Variants in ANKFN1 observed in about 807,000 individuals in gnomAD.
ANKFN1 encodes the protein ankyrin repeat and fibronectin type III domain containing 1.
Under a neutral mutation model 108.7 loss-of-function variants are expected in ANKFN1, and 74 were observed. The ratio of observed to expected loss-of-function variants is 0.68; its 90% CI spans 0.56 to 0.83. ANKFN1 has a LOEUF of 0.83. ANKFN1 is among the 40% of genes least tolerant of loss of function. The pLI is 0.00. For synonymous variants in ANKFN1, 547 were observed against 516.2 expected (o/e 1.06, Z -0.81); for missense variants, 1,505 against 1,382.3 (o/e 1.09, Z -1.41).
intron 1 of ANKFN1, among the ~76,000 whole-genome samples, chr17:56,180,424 C>T (rs1911585176): frequency 6.6e-6 from 1 of 152,190 alleles, no homozygotes. Flanking sequence ...CCCTAAGATT[C>T]AGGCTAGAAG....
chr17:56,103,806 G>A (rs544415008), intron 4 of ANKFN1, among the ~76,000 whole-genome samples: 20 of 152,206 alleles, frequency 1.3e-4, no homozygotes, highest in Non-Finnish European at 2.5e-4. Flanking sequence ...GAGTTGCAGG[G>A]CCCATCCAGG....
chr17:56,380,954 T>TG (rs2047083850), intron 8 of ANKFN1, among the ~76,000 whole-genome samples: 1 of 152,204 alleles, frequency 6.6e-6, no homozygotes, highest in Non-Finnish European at 1.5e-5. Flanking sequence ...AGCATGCAGC[T>TG]GGAGATCTGA....
At chr17:56,100,812 T>G (rs1314742498) in intron 4 of ANKFN1, among the ~76,000 whole-genome samples, 3 of 152,326 alleles carry the variant, frequency 2.0e-5, no homozygotes, top group South Asian at 4.1e-4. Context: ...AGTGAATTTG[T>G]CCTTTGGGGT....
chr17:56,349,689 A>G (rs948134406), intron 4 of ANKFN1, among the ~76,000 whole-genome samples: 4 of 152,170 alleles, frequency 2.6e-5, no homozygotes, highest in Non-Finnish European at 5.9e-5. Flanking sequence ...AATCCCAACT[A>G]CACTGATTTG....
At chr17:56,319,578 G>A (rs1389226317) in intron 3 of ANKFN1, among the ~76,000 whole-genome samples, 1 of 152,088 alleles carries the variant, frequency 6.6e-6, no homozygotes, top group Non-Finnish European at 1.5e-5. Context: ...CTATACAAAG[G>A]CATGATTGAG....
intron 3 of ANKFN1, among the ~76,000 whole-genome samples, chr17:56,300,412 C>A (rs1681410257): frequency 2.0e-5 from 3 of 152,064 alleles, no homozygotes; most frequent in Non-Finnish European, 4.4e-5. Context: ...TCCTTCTTTC[C>A]CCCCTTAATT....
chr17:56,123,287 G>A (rs1376345194), intron 4 of ANKFN1, among the ~76,000 whole-genome samples: 7 of 152,192 alleles, frequency 4.6e-5, no homozygotes, highest in South Asian at 4.1e-4. Flanking sequence ...TTCCATCAGC[G>A]AACTCTGAGA....
In ANKFN1 at chr17:56,132,882, C is replaced by T. The variant is rs964388049; in HGVS notation, c.288+86557C>T. Among the ~76,000 whole-genome samples, 3 of 152,220 alleles carry T rather than the reference C, an allele frequency of 2.0e-5. No individual in the cohort carries two copies. The East Asian group carries it at 5.8e-4, about 29-fold the overall frequency. On this transcript the variant is annotated intron_variant, in intron 4 of 12. Coordinates refer to the ANKFN1 transcript ENST00000635860. ...TAATCATCTCCCAAAGACTCCACCT[C>T]CTAATACCATCACCTTGGTAATTAG... is the stretch of plus-strand genomic sequence containing the variant.
chr17:56,372,950 C>A, intron 7 of ANKFN1, 110 bp downstream of exon 7: 2 of 1,089,494 alleles, frequency 1.8e-6, no homozygotes, highest in Non-Finnish European at 2.6e-6. Flanking sequence ...TCATGGATGG[C>A]CGTTGTCAGC....
chr17:56,223,786 C>T (rs145986005), intron 2 of ANKFN1, among the ~76,000 whole-genome samples: 10 of 152,188 alleles, frequency 6.6e-5, no homozygotes, highest in South Asian at 2.1e-4. Context: ...TGGATGGTAC[C>T]GTTCTTTGTA....
intron 8 of ANKFN1, among the ~76,000 whole-genome samples, chr17:56,425,005 T>G (rs1474383462): frequency 1.3e-5 from 2 of 152,134 alleles, no homozygotes; most frequent in Middle Eastern, 3.4e-3. Context: ...CTGTTTGCAA[T>G]TGAACTTTGA....
intron 8 of ANKFN1, among the ~76,000 whole-genome samples, chr17:56,398,189 G>A (rs185766524): frequency 8.6e-5 from 13 of 151,998 alleles, no homozygotes; most frequent in South Asian, 4.2e-4. Flanking sequence ...TTAATTCACC[G>A]TTACAAACCC....
chr17:56,048,415 A>G (rs1230917218), intron 4 of ANKFN1, among the ~76,000 whole-genome samples: 1 of 152,182 alleles, frequency 6.6e-6, no homozygotes, highest in South Asian at 2.1e-4. Context: ...CTATTTTCCA[A>G]AATCATCAAT....
intron 3 of ANKFN1, among the ~76,000 whole-genome samples, chr17:56,310,748 T>TTGTGTGTGTGTGTGTGTG (rs71137198): frequency 1.3e-5 from 2 of 150,084 alleles, no homozygotes; most frequent in African/African-American, 4.9e-5. Context: ...CACAATTACT[T>TTGTGTGTGTGTGTGTGTG]TGTGTGTGTG....
chr17:56,395,796 C>T (rs2047565419), intron 8 of ANKFN1, among the ~76,000 whole-genome samples: 1 of 152,058 alleles, frequency 6.6e-6, no homozygotes, highest in South Asian at 2.1e-4. Flanking sequence ...TTGCTGTGAG[C>T]TAAGATCGCT....
intron 1 of ANKFN1, among the ~76,000 whole-genome samples, chr17:56,160,103 A>T (rs369016782): frequency 6.6e-6 from 1 of 152,354 alleles, no homozygotes; most frequent in African/African-American, 2.4e-5. Context: ...AGATTAATAC[A>T]TGTGGTTCTA....
intron 4 of ANKFN1, among the ~76,000 whole-genome samples, chr17:56,329,830 C>A (rs887476540): frequency 6.6e-6 from 1 of 152,092 alleles, no homozygotes; most frequent in Non-Finnish European, 1.5e-5. Flanking sequence ...TCATAAGAAC[C>A]CTGCCCTCAT....
In ANKFN1 at chr17:56,511,578, A is replaced by C; in HGVS notation, c.*309A>C. ...CCTATGACTGAAGCTGGCCATCCCA[A>C]AGAGAGACCCTCTGTTCTGCAGCTG... On this transcript the variant is annotated 3_prime_UTR_variant, in exon 21 of 21. Coordinates refer to ENST00000682825, the MANE Select transcript of ANKFN1 (RefSeq NM_001370326.1). 1 of 290,242 alleles carries C rather than the reference A, an allele frequency of 3.4e-6. No homozygotes were observed. The highest frequency in any genetic ancestry group is 6.4e-6 in the Non-Finnish European group (1 of 156,128). 18.0% of individuals were successfully genotyped at this position (290,242 alleles called of 1,614,324 possible).
At chr17:56,441,421 T>C (rs1193291617) in intron 9 of ANKFN1, among the ~76,000 whole-genome samples, 1 of 152,194 alleles carries the variant, frequency 6.6e-6, no homozygotes, top group African/African-American at 2.4e-5. Flanking sequence ...TTTTTGATGC[T>C]TGGGTAATCA....
Sources: allele counts gnomAD v4.1 joint callset (sites outside exome capture counted in the v4.1 genomes callset), GRCh38; gene constraint gnomAD v4.1.1; transcripts MANE v1.5; gene names NCBI Gene and HGNC (gene_info 2026-07-23, HGNC 2026-07-21).